The following MIA2 variants were observed in gnomAD, a reference collection of about 807,000 sequenced individuals.
MIA2 encodes the protein melanoma inhibitory activity protein 2.
MIA2 carries 127 observed loss-of-function variants against 167.8 expected under a neutral mutation model. The observed-to-expected ratio is 0.76, with a 90% CI of 0.66 to 0.88. The LOEUF (loss-of-function observed/expected upper bound fraction) is 0.88, where lower values mean the gene tolerates loss of function less well. MIA2 is among the 40% of genes least tolerant of loss of function. The pLI, the probability that MIA2 is intolerant of heterozygous loss-of-function variation, is 0.00. For synonymous variants in MIA2, 552 were observed against 541.9 expected (o/e 1.02, Z -0.26); for missense variants, 1,690 against 1,624.7 (o/e 1.04, Z -0.69).
intron 6 of MIA2, among the ~76,000 whole-genome samples, chr14:39,256,255 G>A (rs1323324719): frequency 3.3e-5 from 5 of 152,078 alleles, no homozygotes; most frequent in Non-Finnish European, 7.4e-5. Flanking sequence ...TAAATATTCT[G>A]AGAGTTCCTG....
chr14:39,264,479 C>T (rs1046419902), intron 6 of MIA2, among the ~76,000 whole-genome samples: 9 of 152,090 alleles, frequency 5.9e-5, no homozygotes, highest in Admixed American at 1.3e-4. Context: ...ATTGCTGGGT[C>T]GAATGGTGGT....
chr14:39,383,964 T>C (rs1053304933), intron 23 of MIA2, among the ~76,000 whole-genome samples: 2 of 152,230 alleles, frequency 1.3e-5, no homozygotes, highest in African/African-American at 4.8e-5. Context: ...GGTGCTGATG[T>C]AGAAGCTGCA....
chr14:39,384,827 ACACAG>A (rs2075241905), intron 23 of MIA2, among the ~76,000 whole-genome samples: 1 of 152,148 alleles, frequency 6.6e-6, no homozygotes, highest in Admixed American at 6.5e-5. Flanking sequence ...TCACTGCTCT[ACACAG>A]CGCCCTGAGA....
At chr14:39,280,957 C>A (rs895344243) in intron 9 of MIA2, among the ~76,000 whole-genome samples, 12 of 114,944 alleles carry the variant, frequency 1.0e-4, no homozygotes, top group African/African-American at 4.0e-4. Flanking sequence ...CTCTCTCTCT[C>A]TCTTGTCTAG....
In MIA2 at chr14:39,311,466, C is replaced by CTTTTT. The variant is rs35478238; in HGVS notation, c.3018-1852_3018-1848dup. 6.9e-5 allele frequency among the ~76,000 whole-genome samples: 3 copies of CTTTTT among 43,322 alleles called. 1 individual carries two copies. Among genetic ancestry groups the CTTTTT allele is most frequent in the African/African-American group, 9.3e-5 (1 of 10,774 alleles). The allele number at this position is 43,322 out of a possible 152,430, so 28.4% of individuals were successfully genotyped here. On this transcript the variant is annotated intron_variant, in intron 18 of 28. Transcript: ENST00000640607. The stretch of plus-strand genomic sequence containing the variant: ...TAGGACCTAGAAGCTTGATGTGTTG[C>CTTTTT]TTTTTTTTTTTTTTTTTTTTTTTTT...
At chr14:39,384,595 A>G (rs1365102642) in intron 23 of MIA2, among the ~76,000 whole-genome samples, 1 of 152,138 alleles carries the variant, frequency 6.6e-6, no homozygotes, top group African/African-American at 2.4e-5. Context: ...ACCAATTTTC[A>G]CAGTATATAT....
chr14:39,386,798 A>G, intron 23 of MIA2: 2 of 1,068,728 alleles, frequency 1.9e-6, no homozygotes, highest in Non-Finnish European at 2.9e-6. Context: ...GTGATAGATT[A>G]GTGTCACCAT....
At chr14:39,338,932 A>T (rs2071132174) in intron 25 of MIA2, among the ~76,000 whole-genome samples, 1 of 152,202 alleles carries the variant, frequency 6.6e-6, no homozygotes, top group African/African-American at 2.4e-5. Context: ...ATAATTTATT[A>T]AGTAGATAAT....
rs950811521 is a variant in MIA2, at chr14:39,295,019, G to A, written c.2486G>A (p.Ser829Asn). ...ALNENSQLQE[S>N]QKQLLQEAEV... Reference sequence around the variant, plus strand: ...AATGAAAATTCTCAACTTCAGGAAAGCCAGAAACAGGTTTGTGCTCCGTAG... The same window carrying A: ...AATGAAAATTCTCAACTTCAGGAAAACCAGAAACAGGTTTGTGCTCCGTAG... The change falls in exon 13 of 29, where the codon AGC becomes AAC. Residue 829 changes from serine (S) to asparagine (N), a missense_variant. By Grantham distance (46) the Ser-to-Asn change is conservative. Transcript: ENST00000640607. The A allele has an allele frequency of 6.2e-7, 1 of 1,609,116 alleles. No individual in the cohort carries two copies. The highest frequency in any genetic ancestry group is 1.7e-5 in the Admixed American group (1 of 59,966).
At chr14:39,245,002 T>C (rs2054226243) in intron 3 of MIA2, among the ~76,000 whole-genome samples, 1 of 151,416 alleles carries the variant, frequency 6.6e-6, no homozygotes, top group African/African-American at 2.4e-5. Flanking sequence ...GGGTATAAAC[T>C]CCTGGGCTCA....
intron 6 of MIA2, among the ~76,000 whole-genome samples, chr14:39,268,769 G>A (rs1173742797): frequency 1.3e-5 from 2 of 152,196 alleles, no homozygotes; most frequent in East Asian, 3.8e-4. Flanking sequence ...ATAGGAAAGA[G>A]GGTACTGTGT....
Position 39,247,125 on chromosome 14 carries a change from C to T in MIA2, c.551C>T (p.Pro184Leu). 1 of 1,613,798 alleles carries T rather than the reference C, an allele frequency of 6.2e-7. No homozygotes were observed. Among genetic ancestry groups the T allele is most frequent in the East Asian group, 2.2e-5 (1 of 44,868 alleles). The change falls in exon 4 of 29, where the codon CCT becomes CTT. Residue 184 changes from proline to leucine, a missense_variant. Physicochemically the swap from Pro to Leu is moderately conservative, Grantham distance 98. Coordinates refer to ENST00000640607, the MANE Select transcript of MIA2 (RefSeq NM_001329214.4). ...FEDQVPALEA[P>L]EDIGSTSESK... ...GACCAAGTTCCAGCATTAGAGGCTC[C>T]TGAAGATATCGGAAGTACCAGTGAA...
intron 27 of MIA2, 71 bp from the exon 28 acceptor site, chr14:39,348,672 A>G: frequency 2.5e-6 from 4 of 1,576,246 alleles, no homozygotes; most frequent in Non-Finnish European, 3.5e-6. Context: ...ATTTCTTCTA[A>G]GCCTGAGATT....
chr14:39,317,510 T>G (rs1416090844), intron 21 of MIA2, among the ~76,000 whole-genome samples: 1 of 151,930 alleles, frequency 6.6e-6, no homozygotes, highest in African/African-American at 2.4e-5. Flanking sequence ...GACCCCAGGG[T>G]GGATGGGGAC....
intron 4 of MIA2, 156 bp downstream of exon 4, chr14:39,248,297 A>C (rs1177040109): frequency 1.2e-5 from 5 of 433,760 alleles, no homozygotes; most frequent in Non-Finnish European, 1.8e-5. Context: ...TTAGATCTTA[A>C]TATTATAAAA....
At chr14:39,320,065 A>G (rs1485623198) in intron 23 of MIA2, among the ~76,000 whole-genome samples, 5 of 152,158 alleles carry the variant, frequency 3.3e-5, no homozygotes, top group Non-Finnish European at 7.4e-5. Context: ...AATTTCAGGT[A>G]GTAACAAAGT....
intron 25 of MIA2, among the ~76,000 whole-genome samples, chr14:39,340,340 C>T (rs2071511807): frequency 6.6e-6 from 1 of 152,140 alleles, no homozygotes. Context: ...GCTAGCCTGG[C>T]ATGTTTAAAA....
At chr14:39,305,823 C>T (rs1429514553) in intron 17 of MIA2, among the ~76,000 whole-genome samples, 1 of 151,862 alleles carries the variant, frequency 6.6e-6, no homozygotes. Context: ...GTAATCCCAG[C>T]TGCTTGGGAG....
intron 9 of MIA2, among the ~76,000 whole-genome samples, chr14:39,285,731 AGCT>A (rs2059656840): frequency 9.9e-6 from 1 of 100,856 alleles, no homozygotes; most frequent in African/African-American, 3.9e-5. Flanking sequence ...CAGACGGGGC[AGCT>A]GCCGGGCGGA....
Sources: gnomAD v4.1 joint callset for allele counts (sites outside exome capture counted in the v4.1 genomes callset) on GRCh38, gnomAD v4.1.1 for gene constraint, MANE v1.5 for transcripts, NCBI Gene and HGNC (gene_info 2026-07-23, HGNC 2026-07-21) for gene names.